Variants in DGUOK observed in about 807,000 individuals in gnomAD.
DGUOK encodes the protein deoxyguanosine kinase, also known as deoxyguanosine kinase, mitochondrial.
In DGUOK, 30 loss-of-function variants were observed where a neutral mutation model predicts 36.6. The observed-to-expected ratio is 0.82, with a 90% CI of 0.61 to 1.11. DGUOK has a LOEUF of 1.11. Among genes scored for constraint, DGUOK ranks in the 50% most tolerant of loss-of-function variants. The probability of loss-of-function intolerance (pLI) is 0.00; values close to 1 mark genes in which losing one functional copy is unlikely to be tolerated. For synonymous variants in DGUOK, 145 were observed against 126.3 expected (o/e 1.15, Z -0.99); for missense variants, 361 against 336.4 (o/e 1.07, Z -0.57).
chr2:73,943,327 T>TAAA (rs879823601), intron 2 of DGUOK, among the ~76,000 whole-genome samples: 85,782 of 144,062 alleles, frequency 0.6, 25,665 homozygotes, highest in Non-Finnish European at 0.66. Flanking sequence ...TTAAAAATTT[T>TAAA]TTTTTTTTTT....
At chr2:73,929,192 C>G (rs1680828285) in intron 1 of DGUOK, among the ~76,000 whole-genome samples, 1 of 152,226 alleles carries the variant, frequency 6.6e-6, no homozygotes, top group African/African-American at 2.4e-5. Context: ...CTCACTGCAG[C>G]CTGCCTCCCA....
At chr2:73,955,482 GTAAGA>G (rs1229178991) in intron 4 of DGUOK, among the ~76,000 whole-genome samples, 1 of 152,138 alleles carries the variant, frequency 6.6e-6, no homozygotes, top group African/African-American at 2.4e-5. Context: ...TAGAGAAAAG[GTAAGA>G]TAAGAGGGAA....
intron 2 of DGUOK, among the ~76,000 whole-genome samples, chr2:73,939,854 A>C (rs1424262816): frequency 8.6e-5 from 13 of 150,508 alleles, no homozygotes; most frequent in African/African-American, 3.2e-4. Context: ...ACAACCCTAT[A>C]TATAGTTGAA....
intron 5 of DGUOK, 99 bp from the exon 6 acceptor site, chr2:73,958,047 T>A: frequency 1.1e-6 from 1 of 910,902 alleles, no homozygotes; most frequent in Non-Finnish European, 1.8e-6. Flanking sequence ...TCATGTTGAA[T>A]TTAGATCTGT....
intron 3 of DGUOK, among the ~76,000 whole-genome samples, chr2:73,950,014 G>A (rs1322515875): frequency 6.6e-6 from 1 of 152,168 alleles, no homozygotes; most frequent in African/African-American, 2.4e-5. Flanking sequence ...TAGTAATACT[G>A]AAATTAGTAG....
rs528267977 is a variant in DGUOK at position 73,953,238 on chromosome 2, T to C, written c.591+2506T>C. 2.0e-5 allele frequency among the ~76,000 whole-genome samples: 3 copies of C among 151,272 alleles called. No individual in the cohort carries two copies. The East Asian group carries it at 5.9e-4, about 30-fold the overall frequency. ...TTCCAACACATGAATTCTGGGGGGA[T>C]ACACTCAAACCATAGCAAATGGTGA... On this transcript the variant is annotated intron_variant, in intron 4 of 6. Transcript: ENST00000264093.
At chr2:73,931,043 G>T (rs1311602171) in intron 1 of DGUOK, among the ~76,000 whole-genome samples, 2 of 152,024 alleles carry the variant, frequency 1.3e-5, no homozygotes, top group African/African-American at 4.8e-5. Flanking sequence ...TGATCCGCCA[G>T]CTTCGGCCTC....
chr2:73,945,300 G>GC (rs1431615233), intron 2 of DGUOK, among the ~76,000 whole-genome samples: 3 of 152,102 alleles, frequency 2.0e-5, no homozygotes, highest in Non-Finnish European at 4.4e-5. Flanking sequence ...CACATGTTCT[G>GC]CCTTACATTC....
chr2:73,938,811 G>A (rs1207922147), intron 1 of DGUOK, 99 bp from the exon 2 acceptor site: 7 of 812,724 alleles, frequency 8.6e-6, no homozygotes, highest in Middle Eastern at 2.5e-4. Context: ...ACTAATACTT[G>A]TTCCCTTGAG....
chr2:73,946,993 A>G, intron 3 of DGUOK, 87 bp downstream of exon 3: 3 of 1,193,534 alleles, frequency 2.5e-6, no homozygotes, highest in Non-Finnish European at 3.6e-6. Context: ...TGCTATGGTC[A>G]CTGATGATTA....
intron 2 of DGUOK, among the ~76,000 whole-genome samples, chr2:73,942,684 C>G (rs1681987197): frequency 6.6e-6 from 1 of 152,102 alleles, no homozygotes; most frequent in Non-Finnish European, 1.5e-5. Context: ...AATATCTGTG[C>G]CACATTTCTA....
At chr2:73,949,249 G>T (rs919029500) in intron 3 of DGUOK, among the ~76,000 whole-genome samples, 1 of 152,174 alleles carries the variant, frequency 6.6e-6, no homozygotes, top group Non-Finnish European at 1.5e-5. Flanking sequence ...ACAGTGCGTG[G>T]CCACTTTATA....
intron 4 of DGUOK, 135 bp downstream of exon 4, chr2:73,950,867 A>G: frequency 3.3e-6 from 4 of 1,212,936 alleles, no homozygotes; most frequent in Non-Finnish European, 4.9e-6. Flanking sequence ...AGTGGGGGAC[A>G]CCCTCCTGTC....
intron 1 of DGUOK, among the ~76,000 whole-genome samples, chr2:73,933,568 A>G (rs114066244): frequency 0.012 from 1,801 of 152,058 alleles, 38 homozygotes; most frequent in African/African-American, 0.04. Context: ...TGCTGAGCAG[A>G]TGAGTTTGGA....
intron 4 of DGUOK, among the ~76,000 whole-genome samples, chr2:73,953,677 C>T (rs932216901): frequency 2.7e-5 from 4 of 147,630 alleles, no homozygotes; most frequent in African/African-American, 9.9e-5. Flanking sequence ...AGATGGACTT[C>T]GTAGGTCCTT....
intron 1 of DGUOK, chr2:73,932,762 T>G: frequency 1.4e-6 from 1 of 735,962 alleles, no homozygotes; most frequent in Non-Finnish European, 1.9e-6. Flanking sequence ...GACAGCGGCA[T>G]GTAAGGAAAA....
In DGUOK at chr2:73,958,715, C is replaced by T. The variant is rs745736337; in HGVS notation, c.813C>T (p.Asn271=). The change falls in exon 7 of 7, where the codon AAC becomes AAT. Residue 271 remains asparagine, a synonymous_variant. Coordinates refer to ENST00000264093, the MANE Select transcript of DGUOK (RefSeq NM_080916.3). ...TGATTTTCTCCTTCCCACAGGTAAA[C>T]ACCTTTGTAAAGAATCTGTAACCAA... ...TKQEDLMREV[N]TFVKNL The T allele has an allele frequency of 6.2e-7, 1 of 1,611,854 alleles. No homozygotes were observed. Among genetic ancestry groups the T allele is most frequent in the South Asian group, 1.1e-5 (1 of 91,036 alleles).
chr2:73,957,098 C>T (rs1454528945), intron 4 of DGUOK, 27 bp from the exon 5 acceptor site: 1 of 1,549,024 alleles, frequency 6.5e-7, no homozygotes, highest in African/African-American at 1.4e-5. Flanking sequence ...GCAAAGAGCT[C>T]ATCAGGGCTT....
intron 4 of DGUOK, among the ~76,000 whole-genome samples, chr2:73,952,617 A>C (rs1325274582): frequency 6.6e-6 from 1 of 152,220 alleles, no homozygotes; most frequent in Non-Finnish European, 1.5e-5. Flanking sequence ...GGACGAGCTG[A>C]GCATTAGGAG....
Sources: gnomAD v4.1 joint callset for allele counts (sites outside exome capture counted in the v4.1 genomes callset) on GRCh38, gnomAD v4.1.1 for gene constraint, MANE v1.5 for transcripts, NCBI Gene and HGNC (gene_info 2026-07-23, HGNC 2026-07-21) for gene names.